Variants in RYR3 observed in about 807,000 individuals in gnomAD.
RYR3 encodes brain ryanodine receptor-calcium release channel.
In RYR3, 207 loss-of-function variants were observed where a neutral mutation model predicts 584.3. That is an observed-to-expected ratio of 0.35 (90% CI 0.32 to 0.40). The LOEUF (loss-of-function observed/expected upper bound fraction) is 0.40, where lower values mean the gene tolerates loss of function less well. Ranked by LOEUF, RYR3 falls within the 10% of genes least tolerant of loss-of-function variation. The pLI, the probability that RYR3 is intolerant of heterozygous loss-of-function variation, is 1.00. For missense variants in RYR3, 5,616 were observed against 6,089.2 expected, an observed-to-expected ratio of 0.92 and a Z score of 2.59; for synonymous variants, 2,416 against 2,248.5, an observed-to-expected ratio of 1.07 and a Z score of -2.11.
intron 11 of RYR3, among the ~76,000 whole-genome samples, chr15:33,565,871 C>T (rs1007287338): frequency 6.6e-6 from 1 of 152,210 alleles, no homozygotes; most frequent in African/African-American, 2.4e-5. Flanking sequence ...AGTAGATACT[C>T]TTAGCTTCCA....
intron 10 of RYR3, among the ~76,000 whole-genome samples, chr15:33,551,805 A>G (rs540161062): frequency 6.6e-6 from 1 of 151,922 alleles, no homozygotes; most frequent in Non-Finnish European, 1.5e-5. Flanking sequence ...ATTTATATCT[A>G]TTTAGTGAAT....
chr15:33,680,222 C>T (rs2064489382), intron 38 of RYR3, among the ~76,000 whole-genome samples: 1 of 152,160 alleles, frequency 6.6e-6, no homozygotes, highest in South Asian at 2.1e-4. Flanking sequence ...AGTTTGTATA[C>T]CTCAGCTTCT....
chr15:33,336,408 A>C (rs1970969688), intron 1 of RYR3, among the ~76,000 whole-genome samples: 1 of 144,602 alleles, frequency 6.9e-6, no homozygotes, highest in African/African-American at 2.6e-5. Flanking sequence ...CCTGGGCGAC[A>C]GAGCGAGACG....
chr15:33,629,408 T>A (rs1463485436), intron 21 of RYR3, among the ~76,000 whole-genome samples: 1 of 152,246 alleles, frequency 6.6e-6, no homozygotes, highest in African/African-American at 2.4e-5. Context: ...ATAAATAATT[T>A]CTTATATTGA....
chr15:33,674,594 A>C (rs1241254255), intron 38 of RYR3, among the ~76,000 whole-genome samples: 1 of 152,170 alleles, frequency 6.6e-6, no homozygotes, highest in Non-Finnish European at 1.5e-5. Context: ...GAGGCTCATA[A>C]AAAAGAAGAA....
chr15:33,831,577 A>T (rs915260702), intron 86 of RYR3, among the ~76,000 whole-genome samples: 1 of 152,260 alleles, frequency 6.6e-6, no homozygotes, highest in Non-Finnish European at 1.5e-5. Flanking sequence ...AAGTAACTTC[A>T]GAAGCGCACA....
chr15:33,541,431 T>A (rs1595511844), intron 7 of RYR3, among the ~76,000 whole-genome samples: 1 of 152,192 alleles, frequency 6.6e-6, no homozygotes, highest in Non-Finnish European at 1.5e-5. Context: ...CCAACGTTGT[T>A]CAATGTATTT....
At chr15:33,569,713 ATG>A (rs1318403283) in intron 12 of RYR3, among the ~76,000 whole-genome samples, 8 of 152,286 alleles carry the variant, frequency 5.3e-5, no homozygotes, top group African/African-American at 1.4e-4. Context: ...TCTCTTAGAA[ATG>A]TCTGAAGTTT....
intron 94 of RYR3, among the ~76,000 whole-genome samples, chr15:33,848,826 CTTTTTTT>C (rs769204969): frequency 1.2e-4 from 9 of 75,248 alleles, no homozygotes; most frequent in South Asian, 1.2e-3. Context: ...CTGAAGTCCT[CTTTTTTT>C]TTTTTTTTTT....
chr15:33,380,040 G>A (rs1245927118), intron 1 of RYR3, among the ~76,000 whole-genome samples: 2 of 152,126 alleles, frequency 1.3e-5, no homozygotes, highest in Non-Finnish European at 2.9e-5. Flanking sequence ...TGTTCTAGCC[G>A]CACTGGCAGC....
chr15:33,322,771 G>A (rs915416850), intron 1 of RYR3, among the ~76,000 whole-genome samples: 2 of 151,808 alleles, frequency 1.3e-5, no homozygotes, highest in African/African-American at 2.4e-5. Flanking sequence ...CGATCTTAAA[G>A]TCGATGGTTT....
intron 43 of RYR3, among the ~76,000 whole-genome samples, chr15:33,721,483 A>G (rs1389452515): frequency 6.6e-6 from 1 of 152,246 alleles, no homozygotes; most frequent in Non-Finnish European, 1.5e-5. Flanking sequence ...ATAATACAAC[A>G]GCTTATCACA....
intron 43 of RYR3, among the ~76,000 whole-genome samples, chr15:33,719,542 T>G (rs2067748187): frequency 6.6e-6 from 1 of 152,220 alleles, no homozygotes; most frequent in Non-Finnish European, 1.5e-5. Context: ...CTCCATTTTT[T>G]TATATTTAAA....
intron 99 of RYR3, among the ~76,000 whole-genome samples, chr15:33,858,379 T>A (rs1170615175): frequency 6.6e-6 from 1 of 151,700 alleles, no homozygotes; most frequent in African/African-American, 2.4e-5. Flanking sequence ...TAATTTTGTA[T>A]TTTTTTTAGT....
chr15:33,834,323 CAGTGAGATTA>C lies in RYR3; in HGVS notation c.11464-643_11464-634del, dbSNP rs1596896449. Among the ~76,000 whole-genome samples, 4 of 109,106 alleles carry C rather than the reference CAGTGAGATTA, an allele frequency of 3.7e-5. No individual in the cohort carries two copies. In the South Asian group the frequency reaches 7.8e-4, roughly 21 times the overall value. The allele number at this position is 109,106 out of a possible 152,430, so 71.6% of individuals were successfully genotyped here. A position where few individuals can be genotyped will look rare whatever the true frequency, so the allele number is the denominator to read the frequency against. Reference sequence around the variant, plus strand: ...ACACACACACACACACACACACACACAGTGAGATTAACATGGAAAATGCAAACTAAGTTAT... The same window carrying C: ...ACACACACACACACACACACACACACACATGGAAAATGCAAACTAAGTTAT... On this transcript the variant is annotated intron_variant, in intron 86 of 103. Transcript: ENST00000634891.
At chr15:33,454,443 A>C (rs1596213673) in intron 1 of RYR3, among the ~76,000 whole-genome samples, 1 of 152,094 alleles carries the variant, frequency 6.6e-6, no homozygotes, top group Admixed American at 6.6e-5. Context: ...TAAACTTAAG[A>C]CCCTGGCCAA....
Position 33,865,416 on chromosome 15 carries a change from G to GGAGA in RYR3, c.*193_*196dup. On this transcript the variant is annotated 3_prime_UTR_variant, in exon 104 of 104. Transcript: ENST00000634891. ...TTGTGCCTAATGGACATACACTGTG[G>GGAGA]GAGAGAACCTGTCAAAATGTCGAAG... is the stretch of plus-strand genomic sequence containing the variant. 1 of 530,282 alleles carries GGAGA rather than the reference G, an allele frequency of 1.9e-6. No homozygotes were observed. Among genetic ancestry groups the GGAGA allele is most frequent in the Non-Finnish European group, 3.3e-6 (1 of 299,376 alleles). 32.8% of individuals were successfully genotyped at this position (530,282 alleles called of 1,614,324 possible).
At chr15:33,662,111 T>G in intron 34 of RYR3, 42 bp from the exon 35 acceptor site, 1 of 1,490,930 alleles carries the variant, frequency 6.7e-7, no homozygotes, top group East Asian at 2.4e-5. Flanking sequence ...TCTGGTGGGT[T>G]CTTCTCCCCC....
chr15:33,323,716 A>C (rs1210227169), intron 1 of RYR3, among the ~76,000 whole-genome samples: 2 of 152,216 alleles, frequency 1.3e-5, no homozygotes, highest in African/African-American at 2.4e-5. Flanking sequence ...TGAAGGTTGC[A>C]GTCCAAGTCA....
Sources: allele counts gnomAD v4.1 joint callset (sites outside exome capture counted in the v4.1 genomes callset), GRCh38; gene constraint gnomAD v4.1.1; transcripts MANE v1.5; gene names NCBI Gene and HGNC (gene_info 2026-07-23, HGNC 2026-07-21).